PAFAH1B1: variants seen among roughly 807,000 people sequenced by gnomAD.
PAFAH1B1 encodes the protein platelet-activating factor acetylhydrolase IB subunit beta.
A neutral mutation model predicts 57.5 loss-of-function variants in PAFAH1B1; 2 were observed. That is an observed-to-expected ratio of 0.03 (90% CI 0.01 to 0.11). The LOEUF (loss-of-function observed/expected upper bound fraction) is 0.11. Among genes scored for constraint, PAFAH1B1 ranks in the 10% least tolerant of loss-of-function variants. PAFAH1B1 has a pLI of 1.00. For missense variants in PAFAH1B1, 257 were observed against 512.0 expected (o/e 0.50, Z 4.81); for synonymous variants, 152 against 169.6 (o/e 0.90, Z 0.81).
In PAFAH1B1 at chr17:2,670,233, C is replaced by T. The variant is rs2069162720; in HGVS notation, c.470C>T (p.Ser157Leu). Residue 157 changes from serine to leucine, a missense_variant, in exon 6 of 11, where the codon TCA becomes TTA. Transcript: ENST00000397195. ...CATACAGACTCTGTACAGGACATTT[C>T]ATTCGACCACAGCGGCAAGCTTCTG... ...KGHTDSVQDI[S>L]FDHSGKLLAS... is the part of the protein sequence containing the mutation. 4 of 1,614,064 alleles carry T rather than the reference C, an allele frequency of 2.5e-6. No homozygotes were observed. The highest frequency in any genetic ancestry group is 3.4e-6 in the Non-Finnish European group (4 of 1,179,898).
chr17:2,616,383 G>A (rs1362197453), intron 1 of PAFAH1B1, among the ~76,000 whole-genome samples: 6 of 152,148 alleles, frequency 3.9e-5, no homozygotes, highest in African/African-American at 1.4e-4. Flanking sequence ...TTGAGGAATT[G>A]GCTCATGCTA....
intron 1 of PAFAH1B1, among the ~76,000 whole-genome samples, chr17:2,599,583 G>A (rs2068117133): frequency 1.3e-5 from 2 of 152,188 alleles, no homozygotes; most frequent in South Asian, 4.1e-4. Flanking sequence ...TATGTGAAAG[G>A]AAATGTGCTA....
chr17:2,633,961 C>CTT (rs553588827), intron 1 of PAFAH1B1, among the ~76,000 whole-genome samples: 3,706 of 119,574 alleles, frequency 0.031, 87 homozygotes, highest in Non-Finnish European at 0.043. Flanking sequence ...AGTACCAAAC[C>CTT]TTTTTTTTTT....
chr17:2,662,797 G>A (rs936082952), intron 2 of PAFAH1B1, among the ~76,000 whole-genome samples: 1 of 152,100 alleles, frequency 6.6e-6, no homozygotes, highest in Admixed American at 6.6e-5. Context: ...GTTTCAAAGA[G>A]GTGAAGATTC....
At chr17:2,628,691 G>C (rs531575821) in intron 1 of PAFAH1B1, among the ~76,000 whole-genome samples, 62 of 152,224 alleles carry the variant, frequency 4.1e-4, no homozygotes, top group African/African-American at 1.4e-3. Context: ...ATGTCTGATA[G>C]AATTCTGCTG....
At chr17:2,614,057 G>A (rs2068306719) in intron 1 of PAFAH1B1, 2 of 138,400 alleles carry the variant, frequency 1.4e-5, no homozygotes, top group Non-Finnish European at 3.0e-5. Context: ...CGTGGGTCTG[G>A]CTCTGTCGCC....
At chr17:2,662,517 C>G (rs893761714) in intron 2 of PAFAH1B1, among the ~76,000 whole-genome samples, 6 of 150,714 alleles carry the variant, frequency 4.0e-5, no homozygotes, top group Non-Finnish European at 7.4e-5. Context: ...AATTCTCCTG[C>G]CTCAGCCTCC....
chr17:2,634,604 G>A (rs1262529884), intron 1 of PAFAH1B1, among the ~76,000 whole-genome samples: 1 of 151,666 alleles, frequency 6.6e-6, no homozygotes, highest in Non-Finnish European at 1.5e-5. Context: ...TCTGTCATCT[G>A]TAACCTTCAT....
At chr17:2,606,771 A>C (rs889869230) in intron 1 of PAFAH1B1, among the ~76,000 whole-genome samples, 7 of 149,330 alleles carry the variant, frequency 4.7e-5, no homozygotes, top group African/African-American at 1.7e-4. Context: ...TATTACCAGA[A>C]TTGACAGATG....
chr17:2,599,851 A>C (rs1045768329), intron 1 of PAFAH1B1, among the ~76,000 whole-genome samples: 2 of 152,048 alleles, frequency 1.3e-5, no homozygotes, highest in African/African-American at 4.8e-5. Flanking sequence ...ATTTTCTGAG[A>C]CTTTTTACAA....
intron 2 of PAFAH1B1, among the ~76,000 whole-genome samples, chr17:2,651,838 CAT>C (rs1197007811): frequency 2.0e-5 from 3 of 152,088 alleles, no homozygotes; most frequent in Non-Finnish European, 4.4e-5. Context: ...GATGAGCCAA[CAT>C]TGACACATTA....
At chr17:2,627,316 C>G (rs1410470578) in intron 1 of PAFAH1B1, among the ~76,000 whole-genome samples, 1 of 152,096 alleles carries the variant, frequency 6.6e-6, no homozygotes. Context: ...TGTGGCTAGC[C>G]AGTTATCTCA....
At chr17:2,655,732 ATG>A (rs1439976965) in intron 2 of PAFAH1B1, among the ~76,000 whole-genome samples, 1 of 151,926 alleles carries the variant, frequency 6.6e-6, no homozygotes, top group African/African-American at 2.4e-5. Context: ...CATGTGTAAG[ATG>A]TACCACCCTC....
intron 3 of PAFAH1B1, among the ~76,000 whole-genome samples, chr17:2,665,749 G>A (rs1380629170): frequency 2.0e-5 from 3 of 151,830 alleles, no homozygotes; most frequent in African/African-American, 4.8e-5. Flanking sequence ...TTACAGGCAC[G>A]CACCACCACA....
chr17:2,668,542 G>C (rs1340377139), intron 5 of PAFAH1B1, among the ~76,000 whole-genome samples: 1 of 152,018 alleles, frequency 6.6e-6, no homozygotes, highest in African/African-American at 2.4e-5. Flanking sequence ...AGCCAGGTAT[G>C]GTGGTGCATG....
intron 1 of PAFAH1B1, among the ~76,000 whole-genome samples, chr17:2,626,752 A>G (rs556293467): frequency 2.0e-5 from 3 of 151,976 alleles, no homozygotes; most frequent in Admixed American, 1.3e-4. Context: ...ATAGGGTTTC[A>G]CCATATTGGC....
intron 2 of PAFAH1B1, among the ~76,000 whole-genome samples, chr17:2,660,487 C>T (rs887058227): frequency 7.9e-5 from 12 of 152,114 alleles, no homozygotes; most frequent in African/African-American, 1.7e-4. Context: ...CCCAGTTATG[C>T]GTGAGAGCAT....
chr17:2,605,340 A>G (rs1476802298), intron 1 of PAFAH1B1, among the ~76,000 whole-genome samples: 1 of 152,244 alleles, frequency 6.6e-6, no homozygotes, highest in African/African-American at 2.4e-5. Flanking sequence ...AGAATATTAC[A>G]TAAAGCAGCC....
chr17:2,668,697 TG>T (rs1234781769), intron 5 of PAFAH1B1, among the ~76,000 whole-genome samples: 1 of 149,298 alleles, frequency 6.7e-6, no homozygotes, highest in African/African-American at 2.5e-5. Flanking sequence ...AAAATTGGAC[TG>T]GGCACGGTAG....
Sources: gnomAD v4.1 joint callset for allele counts (sites outside exome capture counted in the v4.1 genomes callset) on GRCh38, gnomAD v4.1.1 for gene constraint, MANE v1.5 for transcripts, NCBI Gene and HGNC (gene_info 2026-07-23, HGNC 2026-07-21) for gene names.